The following BCAS1 variants were observed in gnomAD, a reference collection of about 807,000 sequenced individuals.
BCAS1 encodes breast carcinoma-amplified sequence 1.
Under a neutral mutation model 65.4 loss-of-function variants are expected in BCAS1, and 46 were observed. The ratio of observed to expected loss-of-function variants is 0.70; its 90% CI spans 0.55 to 0.90. BCAS1 has a LOEUF of 0.90. Ranked by LOEUF, BCAS1 falls within the 40% of genes least tolerant of loss-of-function variation. The probability of loss-of-function intolerance (pLI) is 0.00; values close to 1 mark genes in which losing one functional copy is unlikely to be tolerated. For synonymous variants in BCAS1, 298 were observed against 293.5 expected (o/e 1.02, Z -0.16); for missense variants, 793 against 771.2 (o/e 1.03, Z -0.33).
At chr20:54,064,982 A>C (rs901299260) in intron 1 of BCAS1, among the ~76,000 whole-genome samples, 12 of 152,138 alleles carry the variant, frequency 7.9e-5, no homozygotes, top group Non-Finnish European at 1.2e-4. Context: ...TACCGTGCGA[A>C]GGGGTAAATG....
At chr20:54,012,394 C>T (rs73133429) in intron 4 of BCAS1, among the ~76,000 whole-genome samples, 2,781 of 150,042 alleles carry the variant, frequency 0.019, 34 homozygotes, top group Middle Eastern at 0.062. Flanking sequence ...CGTTGAGTGA[C>T]GCTGGATAAA....
chr20:54,037,599 G>A (rs2091921204), intron 3 of BCAS1, among the ~76,000 whole-genome samples: 1 of 151,508 alleles, frequency 6.6e-6, no homozygotes, highest in Non-Finnish European at 1.5e-5. Flanking sequence ...TTGGATAAAT[G>A]TCTATAACAA....
rs535213025 is a variant in BCAS1 at position 54,036,110 on chromosome 20, C to A, written c.143-7138G>T. Among the ~76,000 whole-genome samples, 3 of 150,874 alleles carry A rather than the reference C, an allele frequency of 2.0e-5. No individual in the cohort carries two copies. In the East Asian group the frequency reaches 5.8e-4, roughly 29 times the overall value. On this transcript the variant is annotated intron_variant, in intron 3 of 12. Transcript: ENST00000688948. ...GAAAAATAATTAATAGATATTATTT[C>A]ATCACCCAGGTATTAATAATACCTA...
intron 7 of BCAS1, among the ~76,000 whole-genome samples, chr20:53,991,986 T>C (rs1449308761): frequency 3.3e-5 from 5 of 152,222 alleles, no homozygotes; most frequent in South Asian, 2.1e-4. Context: ...TTTTCTACCA[T>C]TGGCCAATTA....
chr20:53,967,160 CCT>C lies in BCAS1; in HGVS notation c.1318-89_1318-88del, dbSNP rs1268675687. 4.3e-6 allele frequency: 6 copies of C among 1,380,912 alleles called. No homozygotes were observed. The African/African-American group carries it at 5.8e-5, about 13-fold the overall frequency. The allele number at this position is 1,380,912 out of a possible 1,614,324, so 85.5% of individuals were successfully genotyped here. Reference sequence around the variant, plus strand: ...TACAAAGTGGGGTCCTTGTTGCCCCCCTGTCCACATAGTAGCTACAGTTTTGA... The same window carrying C: ...TACAAAGTGGGGTCCTTGTTGCCCCCGTCCACATAGTAGCTACAGTTTTGA... On this transcript the variant is annotated intron_variant, in intron 9 of 12. Transcript: ENST00000688948.
intron 4 of BCAS1, among the ~76,000 whole-genome samples, chr20:54,000,264 C>T (rs1205963591): frequency 1.3e-5 from 2 of 152,018 alleles, no homozygotes; most frequent in African/African-American, 4.8e-5. Context: ...AGGATAGATG[C>T]CAGGCATGCT....
chr20:53,960,469 TAAAA>T lies in BCAS1; in HGVS notation c.1486-2976_1486-2973del, dbSNP rs11467629. Among the ~76,000 whole-genome samples the T allele has an allele frequency of 1.8e-3, 115 of 63,100 alleles. 1 individual carries two copies. The highest frequency in any genetic ancestry group is 6.5e-3 in the African/African-American group (108 of 16,658). 41.4% of individuals were successfully genotyped at this position (63,100 alleles called of 152,430 possible). Reference sequence around the variant, plus strand: ...ATTACTGCAACAAAGTTCAACTTCTTAAAAAAAAAAAAAAAAAAAAAAAAAAAGA... The same window carrying T: ...ATTACTGCAACAAAGTTCAACTTCTTAAAAAAAAAAAAAAAAAAAAAAAGA... On this transcript the variant is annotated intron_variant, in intron 10 of 12. Coordinates refer to ENST00000688948, the MANE Select transcript of BCAS1 (RefSeq NM_001366298.2).
At chr20:54,009,012 C>T (rs1262591832) in intron 4 of BCAS1, among the ~76,000 whole-genome samples, 1 of 152,164 alleles carries the variant, frequency 6.6e-6, no homozygotes, top group Non-Finnish European at 1.5e-5. Context: ...TGGGTTTCAC[C>T]ATGTTGGCCA....
chr20:53,986,239 C>G (rs927856523), intron 7 of BCAS1, among the ~76,000 whole-genome samples: 1 of 152,136 alleles, frequency 6.6e-6, no homozygotes, highest in African/African-American at 2.4e-5. Flanking sequence ...TTTTCTCTCT[C>G]CCTCTGTCCG....
intron 10 of BCAS1, among the ~76,000 whole-genome samples, chr20:53,964,722 G>A (rs1319672499): frequency 1.3e-5 from 2 of 151,966 alleles, no homozygotes; most frequent in Non-Finnish European, 2.9e-5. Flanking sequence ...ATAGCTCTGG[G>A]GGATAAATTT....
At chr20:53,950,500 T>C (rs1944077351) in intron 12 of BCAS1, among the ~76,000 whole-genome samples, 1 of 151,528 alleles carries the variant, frequency 6.6e-6, no homozygotes, top group Non-Finnish European at 1.5e-5. Context: ...AGGCAAACTC[T>C]ATCGCGGGAC....
chr20:54,058,244 C>G, intron 2 of BCAS1, 90 bp from the exon 3 acceptor site: 3 of 1,188,620 alleles, frequency 2.5e-6, no homozygotes, highest in Non-Finnish European at 2.5e-6. Flanking sequence ...AAGGGTGTCT[C>G]ACAAAAAATT....
chr20:53,970,417 G>A (rs573380396), intron 9 of BCAS1, among the ~76,000 whole-genome samples: 1 of 152,296 alleles, frequency 6.6e-6, no homozygotes, highest in East Asian at 1.9e-4. Flanking sequence ...ATAAGGATCT[G>A]ATTTGCATAT....
intron 3 of BCAS1, among the ~76,000 whole-genome samples, chr20:54,050,424 G>A (rs2092190484): frequency 6.6e-6 from 1 of 152,188 alleles, no homozygotes; most frequent in African/African-American, 2.4e-5. Flanking sequence ...CATACATGAA[G>A]AAATTGCATA....
intron 9 of BCAS1, among the ~76,000 whole-genome samples, chr20:53,967,460 C>T (rs1182103108): frequency 6.6e-6 from 1 of 152,134 alleles, no homozygotes; most frequent in Non-Finnish European, 1.5e-5. Context: ...TCTTAAGAGT[C>T]CAACGTTAGA....
intron 1 of BCAS1, among the ~76,000 whole-genome samples, chr20:54,063,903 G>A (rs555994552): frequency 6.6e-6 from 1 of 152,332 alleles, no homozygotes; most frequent in Non-Finnish European, 1.5e-5. Context: ...TGAATGGGGT[G>A]TTAAAATGCC....
At chr20:54,045,962 T>A (rs1272980993) in intron 3 of BCAS1, among the ~76,000 whole-genome samples, 1 of 152,134 alleles carries the variant, frequency 6.6e-6, no homozygotes, top group Non-Finnish European at 1.5e-5. Context: ...TTAGCTTGGG[T>A]GTCCTTGGAG....
chr20:54,038,719 G>A (rs1313302023), intron 3 of BCAS1, among the ~76,000 whole-genome samples: 2 of 151,422 alleles, frequency 1.3e-5, no homozygotes, highest in South Asian at 2.1e-4. Flanking sequence ...GTCCATGTAT[G>A]AACATTATTC....
At chr20:54,007,646 C>A (rs2091229376) in intron 4 of BCAS1, among the ~76,000 whole-genome samples, 1 of 152,208 alleles carries the variant, frequency 6.6e-6, no homozygotes, top group African/African-American at 2.4e-5. Context: ...TTGCCTGTGG[C>A]TCTTCCTGAG....
Sources: allele counts gnomAD v4.1 joint callset (sites outside exome capture counted in the v4.1 genomes callset), GRCh38; gene constraint gnomAD v4.1.1; transcripts MANE v1.5; gene names NCBI Gene and HGNC (gene_info 2026-07-23, HGNC 2026-07-21).